ZMIZ1: variants seen among roughly 807,000 people sequenced by gnomAD.
ZMIZ1 encodes the protein zinc finger MIZ-type containing 1.
In ZMIZ1, 17 loss-of-function variants were observed where a neutral mutation model predicts 113.9. That is an observed-to-expected ratio of 0.15 (90% CI 0.10 to 0.22). ZMIZ1 has a LOEUF of 0.22. ZMIZ1 is among the 10% of genes least tolerant of loss of function. The probability of loss-of-function intolerance (pLI) is 1.00; values close to 1 mark genes in which losing one functional copy is unlikely to be tolerated. For synonymous variants in ZMIZ1, 607 were observed against 603.1 expected (o/e 1.01, Z -0.09); for missense variants, 1,059 against 1,477.8 (o/e 0.72, Z 4.65).
At chr10:79,104,115 G>C (rs1226648509) in intron 1 of ZMIZ1, among the ~76,000 whole-genome samples, 1 of 152,184 alleles carries the variant, frequency 6.6e-6, no homozygotes, top group Non-Finnish European at 1.5e-5. Context: ...CTTTCATCTG[G>C]TCACCAGACA....
At chr10:79,196,442 G>T (rs945538289) in intron 4 of ZMIZ1, among the ~76,000 whole-genome samples, 1 of 152,216 alleles carries the variant, frequency 6.6e-6, no homozygotes, top group Non-Finnish European at 1.5e-5. Context: ...GCTCCTCAGA[G>T]TAAAACCAGT....
chr10:79,292,507 T>C (rs1853563140), intron 11 of ZMIZ1, 151 bp downstream of exon 11: 2 of 1,036,870 alleles, frequency 1.9e-6, no homozygotes, highest in South Asian at 3.0e-5. Flanking sequence ...CATGGAAGCA[T>C]GTGGAGGTCT....
chr10:79,313,003 G>T lies in ZMIZ1; in HGVS notation c.*254G>T, dbSNP rs1383980104. Reference sequence around the variant, plus strand: ...CCCTTGGCTTGGGCCCATGCCCAGCGCAGGCCTGAAGACCACCCTCCCGAG... The same window carrying T: ...CCCTTGGCTTGGGCCCATGCCCAGCTCAGGCCTGAAGACCACCCTCCCGAG... On this transcript the variant is annotated 3_prime_UTR_variant, in exon 25 of 25. Transcript: ENST00000334512. The T allele has an allele frequency of 3.8e-6, 2 of 526,470 alleles. No individual in the cohort carries two copies. Among genetic ancestry groups the T allele is most frequent in the Non-Finnish European group, 6.8e-6 (2 of 294,108 alleles). 32.6% of individuals were successfully genotyped at this position (526,470 alleles called of 1,614,324 possible).
intron 1 of ZMIZ1, among the ~76,000 whole-genome samples, chr10:79,101,707 C>T (rs550408974): frequency 2.0e-4 from 30 of 152,232 alleles, no homozygotes; most frequent in African/African-American, 7.0e-4. Context: ...GGGAGGGAGG[C>T]GGGTGGCCAG....
At chr10:79,305,449 C>G in intron 20 of ZMIZ1, 84 bp from the exon 21 acceptor site, 1 of 1,481,832 alleles carries the variant, frequency 6.7e-7, no homozygotes, top group Non-Finnish European at 9.4e-7. Flanking sequence ...GGGGTGGGAC[C>G]CCACTGACAC....
At chr10:79,287,350 A>G (rs1187960415) in intron 8 of ZMIZ1, among the ~76,000 whole-genome samples, 1 of 152,330 alleles carries the variant, frequency 6.6e-6, no homozygotes, top group Admixed American at 6.5e-5. Context: ...CTTTGGCCCA[A>G]GCATCTGGAT....
intron 7 of ZMIZ1, among the ~76,000 whole-genome samples, chr10:79,265,231 A>G (rs1851523612): frequency 6.6e-6 from 1 of 152,122 alleles, no homozygotes; most frequent in Non-Finnish European, 1.5e-5. Context: ...CTCTCAGGCC[A>G]GACTGGACCA....
intron 1 of ZMIZ1, among the ~76,000 whole-genome samples, chr10:79,085,808 CAGTGGCCAGGGACCTG>C (rs1842795066): frequency 6.6e-6 from 1 of 152,192 alleles, no homozygotes; most frequent in Admixed American, 6.5e-5. Flanking sequence ...GAGCTGTGCC[CAGTGGCCAGGGACCTG>C]AGTGGCCATC....
intron 11 of ZMIZ1, 74 bp downstream of exon 11, chr10:79,292,430 G>C (rs1853559710): frequency 1.3e-6 from 2 of 1,553,242 alleles, no homozygotes; most frequent in Non-Finnish European, 8.8e-7. Flanking sequence ...ACCAGAGTTG[G>C]GATGTCAGTG....
intron 4 of ZMIZ1, among the ~76,000 whole-genome samples, chr10:79,179,631 G>T (rs1386282780): frequency 1.3e-5 from 2 of 152,238 alleles, no homozygotes; most frequent in Non-Finnish European, 2.9e-5. Flanking sequence ...TGCTGGTCAG[G>T]CCCCACGCAC....
chr10:79,109,989 G>A (rs78905479), intron 1 of ZMIZ1, among the ~76,000 whole-genome samples: 4,436 of 152,340 alleles, frequency 0.029, 297 homozygotes, highest in Admixed American at 0.16. Flanking sequence ...TTCAGTGAAG[G>A]CTGCAGGGTG....
At chr10:79,085,450 G>A (rs1249839096) in intron 1 of ZMIZ1, among the ~76,000 whole-genome samples, 2 of 152,208 alleles carry the variant, frequency 1.3e-5, no homozygotes, top group East Asian at 3.9e-4. Flanking sequence ...CCCGCATAAC[G>A]CCCCACCCTG....
intron 4 of ZMIZ1, among the ~76,000 whole-genome samples, chr10:79,184,172 G>A (rs375233409): frequency 6.6e-6 from 1 of 152,150 alleles, no homozygotes; most frequent in Non-Finnish European, 1.5e-5. Context: ...GAAGAAAAGG[G>A]GAGGTTCTGG....
At chr10:79,112,145 C>T (rs1333660311) in intron 1 of ZMIZ1, among the ~76,000 whole-genome samples, 4 of 152,136 alleles carry the variant, frequency 2.6e-5, no homozygotes, top group Non-Finnish European at 4.4e-5. Flanking sequence ...GGCAGTGGGA[C>T]GTGCTGGCAG....
intron 7 of ZMIZ1, among the ~76,000 whole-genome samples, chr10:79,229,606 C>G (rs769635568): frequency 5.3e-5 from 8 of 152,150 alleles, no homozygotes; most frequent in Non-Finnish European, 2.9e-5. Flanking sequence ...ATTATAATGA[C>G]GGCAGAAACT....
chr10:79,183,063 C>T (rs1272932845), intron 4 of ZMIZ1, among the ~76,000 whole-genome samples: 1 of 152,190 alleles, frequency 6.6e-6, no homozygotes, highest in East Asian at 1.9e-4. Flanking sequence ...AGTACCAAGT[C>T]AACCTAGGTT....
chr10:79,225,337 C>T (rs1407179166), intron 7 of ZMIZ1, among the ~76,000 whole-genome samples: 1 of 152,168 alleles, frequency 6.6e-6, no homozygotes, highest in Non-Finnish European at 1.5e-5. Flanking sequence ...CATTCAGAAA[C>T]TGCCAAAACA....
chr10:79,243,250 GGCGCGCCCCGTGCGCCCCCGCCCCCC>G (rs1849961770), intron 7 of ZMIZ1, among the ~76,000 whole-genome samples: 1 of 150,536 alleles, frequency 6.6e-6, no homozygotes, highest in Non-Finnish European at 1.5e-5. Context: ...AAGTTTCTCC[GGCGCGCCCCGTGCGCCCCCGCCCCCC>G]GCGCGCCCCC....
At chr10:79,120,300 C>T (rs779175202) in intron 2 of ZMIZ1, among the ~76,000 whole-genome samples, 12 of 152,230 alleles carry the variant, frequency 7.9e-5, no homozygotes, top group Non-Finnish European at 1.6e-4. Flanking sequence ...TGCACAAACT[C>T]GTGTTGGAAC....
Sources: gnomAD v4.1 joint callset for allele counts (sites outside exome capture counted in the v4.1 genomes callset) on GRCh38, gnomAD v4.1.1 for gene constraint, MANE v1.5 for transcripts, NCBI Gene and HGNC (gene_info 2026-07-23, HGNC 2026-07-21) for gene names.